The following PSPN variants were observed in gnomAD, a reference collection of about 807,000 sequenced individuals.
PSPN encodes the protein persephin.
Under a neutral mutation model 9.4 loss-of-function variants are expected in PSPN, and 12 were observed. That is an observed-to-expected ratio of 1.28 (90% CI 0.82 to 2.07). PSPN has a LOEUF of 2.07. PSPN is among the 30% of genes most tolerant of loss of function. The probability of loss-of-function intolerance (pLI) is 0.00; values close to 1 mark genes in which losing one functional copy is unlikely to be tolerated. For synonymous variants in PSPN, 115 were observed against 106.4 expected, an observed-to-expected ratio of 1.08 and a Z score of -0.50; for missense variants, 229 against 227.4, an observed-to-expected ratio of 1.01 and a Z score of -0.05.
Position 6,375,820 on chromosome 19 carries a change from G to C in PSPN, c.30C>G (p.Ser10=), listed in dbSNP as rs2304198. MAVGKFLLG[S]LLLLSLQLGQ... is the part of the protein sequence containing the mutation. Reference sequence around the variant, plus strand: ...CCAGCTGCAGGGACAGGAGCAGCAGGGAGCCCAGCAGGAACTTCCCTACGG... The same window carrying C: ...CCAGCTGCAGGGACAGGAGCAGCAGCGAGCCCAGCAGGAACTTCCCTACGG... The change falls in exon 1 of 2, where the codon TCC becomes TCG. Residue 10 remains serine, a synonymous_variant. Coordinates refer to ENST00000245810, the MANE Select transcript of PSPN (RefSeq NM_004158.5). 1.2e-6 allele frequency: 2 copies of C among 1,613,856 alleles called. No homozygotes were observed. Among genetic ancestry groups the C allele is most frequent in the East Asian group, 4.5e-5 (2 of 44,838 alleles).
In PSPN at chr19:6,375,924, C is replaced by T; in HGVS notation, c.-75G>A. ...TGCCTGGGCTGGGAGCTAACCTCTT[C>T]ACTGCCGGCCCCTGCAGCCAGGAGG... On this transcript the variant is annotated 5_prime_UTR_variant, in exon 1 of 2. Transcript: ENST00000245810. 1.3e-6 allele frequency: 2 copies of T among 1,592,352 alleles called. No homozygotes were observed. Among genetic ancestry groups the T allele is most frequent in the Non-Finnish European group, 1.7e-6 (2 of 1,168,374 alleles).
chr19:6,375,642 TG>T (rs748519483), intron 1 of PSPN, 26 bp from the exon 2 acceptor site: 2 of 1,598,166 alleles, frequency 1.3e-6, no homozygotes, highest in Non-Finnish European at 1.7e-6. Flanking sequence ...GCGCTGACAG[TG>T]AGCAGGGTCA....
rs2091916968 is a variant in PSPN at position 6,375,393 on chromosome 19, G to A, written c.372C>T (p.Cys124=). The part of the protein sequence containing the change: ...GQGRAHGGPC[C]RPTRYTDVAF... The stretch of plus-strand genomic sequence containing the variant: ...CCACGTCGGTGTAGCGAGTGGGCCG[G>A]CAGCAGGGCCCGCCGTGGGCTCGGC... The change falls in exon 2 of 2, where the codon TGC becomes TGT. Residue 124 remains cysteine (C), a synonymous_variant. Transcript: ENST00000245810. 6.7e-7 allele frequency: 1 copy of A among 1,485,300 alleles called. No individual in the cohort carries two copies. The highest frequency in any genetic ancestry group is 8.9e-7 in the Non-Finnish European group (1 of 1,125,486). The allele number at this position is 1,485,300 out of a possible 1,614,324, so 92.0% of individuals were successfully genotyped here. A position where few individuals can be genotyped will look rare whatever the true frequency, so the allele number is the denominator to read the frequency against.
At position 6,375,202 on chromosome 19, in the gene PSPN, CCCT is replaced by C. The variant is rs1270972147; in HGVS notation, c.*89_*91del. On this transcript the variant is annotated 3_prime_UTR_variant, in exon 2 of 2. Coordinates refer to ENST00000245810, the MANE Select transcript of PSPN (RefSeq NM_004158.5). ...CACTGCTGGTCGCCCCAGCCCACTC[CCCT>C]CCTCGTTGTCTCTGCATCCAGGTCT... The C allele has an allele frequency of 7.4e-7, 1 of 1,350,484 alleles. No homozygotes were observed. Among genetic ancestry groups the C allele is most frequent in the Non-Finnish European group, 9.6e-7 (1 of 1,042,306 alleles). The allele number at this position is 1,350,484 out of a possible 1,614,324, so 83.7% of individuals were successfully genotyped here.
At position 6,375,748 on chromosome 19, in the gene PSPN, T is replaced by TC; in HGVS notation, c.101dup (p.Glu35ArgfsTer5). 6.2e-7 allele frequency: 1 copy of TC among 1,614,000 alleles called. No homozygotes were observed. The highest frequency in any genetic ancestry group is 8.5e-7 in the Non-Finnish European group (1 of 1,179,956). On this transcript the variant is annotated frameshift_variant, in exon 1 of 2. Transcript: ENST00000245810. LOFTEE classifies it low-confidence loss of function (END_TRUNC). ...TTGCCACCTGTTCAGACGAGAACTC[T>TC]CCATCGGCCACGGGAACCCCACGGG...
In PSPN at chr19:6,375,165, C is replaced by T; in HGVS notation, c.*129G>A. On this transcript the variant is annotated 3_prime_UTR_variant, in exon 2 of 2. Transcript: ENST00000245810. ...GTCACAAGGCCGGGAGAGTGGTGTC[C>T]TTTATTGCACTCACTGCTGGTCGCC... The T allele has an allele frequency of 1.6e-6, 2 of 1,285,726 alleles. No individual in the cohort carries two copies. The highest frequency in any genetic ancestry group is 2.7e-5 in the East Asian group (1 of 37,610). 79.6% of individuals were successfully genotyped at this position (1,285,726 alleles called of 1,614,324 possible).
At chr19:6,375,643 G>A (rs1176115901) in intron 1 of PSPN, 27 bp from the exon 2 acceptor site, 1 of 1,599,060 alleles carries the variant, frequency 6.3e-7, no homozygotes, top group Non-Finnish European at 8.5e-7. Flanking sequence ...CGCTGACAGT[G>A]AGCAGGGTCA....
At position 6,375,773 on chromosome 19, in the gene PSPN, G is replaced by A. The variant is rs144423824; in HGVS notation, c.77C>T (p.Ala26Val). 93 of 1,614,078 alleles carry A rather than the reference G, an allele frequency of 5.8e-5. No homozygotes were observed. Among genetic ancestry groups the A allele is most frequent in the Non-Finnish European group, 7.5e-5 (89 of 1,180,020 alleles). ...TCCATCGGCCACGGGAACCCCACGG[G>A]CATCGGGGCCCCAGCCCTGTCCCAG... ...LQLGQGWGPD[A>V]RGVPVADGEF... The change falls in exon 1 of 2, where the codon GCC (alanine) becomes GTC (valine). Residue 26 changes from alanine (A) to valine (V), a missense_variant. Ala to Val is a moderately conservative substitution (Grantham distance 64). Transcript: ENST00000245810.
chr19:6,375,274 G>T lies in PSPN; in HGVS notation c.*20C>A. On this transcript the variant is annotated 3_prime_UTR_variant, in exon 2 of 2. Coordinates refer to ENST00000245810, the MANE Select transcript of PSPN (RefSeq NM_004158.5). ...GAGCTCCCCCAGCACTGCAGCTTCT[G>T]GGTGCCAGGCCGGGCACCCTCAGCC... The T allele has an allele frequency of 1.4e-6, 2 of 1,403,944 alleles. No homozygotes were observed. The highest frequency in any genetic ancestry group is 3.1e-5 in the South Asian group (2 of 63,974). 87.0% of individuals were successfully genotyped at this position (1,403,944 alleles called of 1,614,324 possible). A position where few individuals can be genotyped will look rare whatever the true frequency, so the allele number is the denominator to read the frequency against.
Position 6,375,196 on chromosome 19 carries a change from C to T in PSPN, c.*98G>A. ...TGCACTCACTGCTGGTCGCCCCAGC[C>T]CACTCCCCTCCTCGTTGTCTCTGCA... On this transcript the variant is annotated 3_prime_UTR_variant, in exon 2 of 2. Transcript: ENST00000245810. 2.2e-6 allele frequency: 3 copies of T among 1,341,766 alleles called. No homozygotes were observed. The highest frequency in any genetic ancestry group is 2.9e-6 in the Non-Finnish European group (3 of 1,032,652). The allele number at this position is 1,341,766 out of a possible 1,614,324, so 83.1% of individuals were successfully genotyped here.
Position 6,375,519 on chromosome 19 carries a change from G to A in PSPN, c.246C>T (p.Tyr82=), listed in dbSNP as rs760373639. Residue 82 remains tyrosine, a synonymous_variant, in exon 2 of 2, where the codon TAC becomes TAT. Coordinates refer to ENST00000245810, the MANE Select transcript of PSPN (RefSeq NM_004158.5). ...GGAAGATGACCTTCTCCTCTGAGGCGTAGCCCAGGCCTAGCTCTGCCACGG... is the reference window on the plus strand; with the variant it reads ...GGAAGATGACCTTCTCCTCTGAGGCATAGCCCAGGCCTAGCTCTGCCACGG... The part of the protein sequence containing the change: ...TLSVAELGLG[Y]ASEEKVIFRY... 1.4e-5 allele frequency: 22 copies of A among 1,564,464 alleles called. No homozygotes were observed. The highest frequency in any genetic ancestry group is 5.7e-5 in the Admixed American group (3 of 52,210).
rs901566252 is a variant in PSPN at position 6,375,331 on chromosome 19, G to T, written c.434C>A (p.Pro145His). 6.0e-5 allele frequency: 87 copies of T among 1,445,392 alleles called. No homozygotes were observed. Among genetic ancestry groups the T allele is most frequent in the Non-Finnish European group, 7.3e-5 (81 of 1,111,072 alleles). The allele number at this position is 1,445,392 out of a possible 1,614,324, so 89.5% of individuals were successfully genotyped here. Residue 145 changes from proline to histidine, a missense_variant, in exon 2 of 2, where the codon CCC becomes CAC. Coordinates refer to ENST00000245810, the MANE Select transcript of PSPN (RefSeq NM_004158.5). The stretch of plus-strand genomic sequence containing the variant: ...GCCGCAGGCAGCCGCCGAGAGCTGG[G>T]GCAGCCGCTGCCAGCGGTGGCGGTC... ...LDDRHRWQRL[P>H]QLSAAACGCG...
In PSPN at chr19:6,375,616, C is replaced by G; in HGVS notation, c.149G>C (p.Gly50Ala). The change falls in exon 2 of 2, where the codon GGC becomes GCC. Residue 50 changes from glycine to alanine, a missense_variant and splice_region_variant. Gly to Ala is a moderately conservative substitution (Grantham distance 60). Transcript: ENST00000245810. Reference sequence around the variant, plus strand: ...CAGGCGGGCAAGGGGGCGGTGGGTGCCTGTGGGAGGGAAGGGCGCTGACAG... The same window carrying G: ...CAGGCGGGCAAGGGGGCGGTGGGTGGCTGTGGGAGGGAAGGGCGCTGACAG... ...QVAKAGGTWL[G>A]THRPLARLRR... 2 of 1,587,284 alleles carry G rather than the reference C, an allele frequency of 1.3e-6. No homozygotes were observed. Among genetic ancestry groups the G allele is most frequent in the Non-Finnish European group, 1.7e-6 (2 of 1,165,844 alleles).
rs764736401 is a variant in PSPN, at chr19:6,375,652, C to T, written c.149-36G>A. The stretch of plus-strand genomic sequence containing the variant: ...GAAGGGCGCTGACAGTGAGCAGGGT[C>T]AGGGCTGGGGAAAGTTGGGAAGTCA... On this transcript the variant is annotated intron_variant, in intron 1 of 1. Coordinates refer to ENST00000245810, the MANE Select transcript of PSPN (RefSeq NM_004158.5). 6.2e-6 allele frequency: 10 copies of T among 1,604,880 alleles called. No individual in the cohort carries two copies. In the Admixed American group the frequency reaches 1.7e-4, roughly 27 times the overall value.
At position 6,375,502 on chromosome 19, in the gene PSPN, AC is replaced by A; in HGVS notation, c.262del (p.Val88SerfsTer109). On this transcript the variant is annotated frameshift_variant, in exon 2 of 2. Transcript: ENST00000245810. LOFTEE classifies it high-confidence loss of function. ...LGLGYASEEKVIFRYCAGSCP... is the reference protein window; with the variant it reads ...LGLGYASEEKXIFRYCAGSCP... Reference sequence around the variant, plus strand: ...GCTGCCGGCGCAGTAGCGGAAGATGACCTTCTCCTCTGAGGCGTAGCCCAGG... The same window carrying A: ...GCTGCCGGCGCAGTAGCGGAAGATGACTTCTCCTCTGAGGCGTAGCCCAGG... The A allele has an allele frequency of 6.4e-7, 1 of 1,559,458 alleles. No individual in the cohort carries two copies. Among genetic ancestry groups the A allele is most frequent in the Non-Finnish European group, 8.7e-7 (1 of 1,151,980 alleles).
At position 6,375,395 on chromosome 19, in the gene PSPN, A is replaced by C; in HGVS notation, c.370T>G (p.Cys124Gly). The change falls in exon 2 of 2, where the codon TGC becomes GGC. Residue 124 changes from cysteine (C) to glycine (G), a missense_variant. Transcript: ENST00000245810. ...ACGTCGGTGTAGCGAGTGGGCCGGC[A>C]GCAGGGCCCGCCGTGGGCTCGGCCC... is the stretch of plus-strand genomic sequence containing the variant. ...GQGRAHGGPC[C>G]RPTRYTDVAF... The C allele has an allele frequency of 6.7e-7, 1 of 1,487,048 alleles. No individual in the cohort carries two copies. Among genetic ancestry groups the C allele is most frequent in the Non-Finnish European group, 8.9e-7 (1 of 1,126,018 alleles). 92.1% of individuals were successfully genotyped at this position (1,487,048 alleles called of 1,614,324 possible).
chr19:6,375,732 G>A lies in PSPN; in HGVS notation c.118C>T (p.Gln40Ter). 6.2e-7 allele frequency: 1 copy of A among 1,614,040 alleles called. No individual in the cohort carries two copies. The highest frequency in any genetic ancestry group is 8.5e-7 in the Non-Finnish European group (1 of 1,179,986). The change falls in exon 1 of 2, where the codon CAG (glutamine) becomes TAG (stop). Residue 40 changes from glutamine to a stop codon, truncating the protein, a stop_gained. Coordinates refer to ENST00000245810, the MANE Select transcript of PSPN (RefSeq NM_004158.5). LOFTEE classifies it low-confidence loss of function (END_TRUNC). ...PVADGEFSSE[Q>*]VAKAGGTWLG... ...CAGGTCCCTCCAGCCTTTGCCACCT[G>A]TTCAGACGAGAACTCTCCATCGGCC... is the stretch of plus-strand genomic sequence containing the variant.
Position 6,375,302 on chromosome 19 carries a change from C to T in PSPN, c.463G>A (p.Gly155Ser). The change falls in exon 2 of 2, where the codon GGT becomes AGT. Residue 155 changes from glycine to serine, a missense_variant. By Grantham distance (56) the Gly-to-Ser change is moderately conservative (BLOSUM62 0). Transcript: ENST00000245810. ...PQLSAAACGC[G>S]G ...TGCCAGGCCGGGCACCCTCAGCCAC[C>T]ACAGCCGCAGGCAGCCGCCGAGAGC... 7.1e-7 allele frequency: 1 copy of T among 1,416,718 alleles called. No homozygotes were observed. The highest frequency in any genetic ancestry group is 9.1e-7 in the Non-Finnish European group (1 of 1,096,602). The allele number at this position is 1,416,718 out of a possible 1,614,324, so 87.8% of individuals were successfully genotyped here.
At position 6,375,730 on chromosome 19, in the gene PSPN, C is replaced by T. The variant is rs1157537397; in HGVS notation, c.120G>A (p.Gln40=). The T allele has an allele frequency of 6.2e-7, 1 of 1,614,070 alleles. No individual in the cohort carries two copies. The highest frequency in any genetic ancestry group is 2.2e-5 in the East Asian group (1 of 44,876). ...PVADGEFSSE[Q]VAKAGGTWLG... ...GCCAGGTCCCTCCAGCCTTTGCCAC[C>T]TGTTCAGACGAGAACTCTCCATCGG... The change falls in exon 1 of 2, where the codon CAG becomes CAA. Residue 40 remains glutamine, a synonymous_variant. Coordinates refer to ENST00000245810, the MANE Select transcript of PSPN (RefSeq NM_004158.5).
Sources: allele counts gnomAD v4.1 joint callset, GRCh38; gene constraint gnomAD v4.1.1; transcripts MANE v1.5; gene names NCBI Gene and HGNC (gene_info 2026-07-23, HGNC 2026-07-21).